Variants in C13orf42 observed in about 807,000 individuals in gnomAD.
C13orf42 encodes chromosome 13 open reading frame 42.
intron 1 of C13orf42, among the ~76,000 whole-genome samples, chr13:51,089,913 G>A (rs1390339544): frequency 6.6e-6 from 1 of 151,934 alleles, no homozygotes; most frequent in East Asian, 2.0e-4. Context: ...AGATGGAGAG[G>A]TGACCAATGT....
At chr13:51,154,603 C>T (rs1301081892) in intron 1 of C13orf42, among the ~76,000 whole-genome samples, 1 of 152,210 alleles carries the variant, frequency 6.6e-6, no homozygotes, top group Non-Finnish European at 1.5e-5. Context: ...CAAGAGTGCT[C>T]ACCCTCAAGT....
chr13:51,134,462 G>A lies in C13orf42; in HGVS notation n.137-21240C>T, dbSNP rs563653079. ...CTCTCGGCAAAGGGGCCGTTACAGA[G>A]TGTAGAGTCAGTGATCTTCCTACAA... On this transcript the variant is annotated intron_variant and non_coding_transcript_variant, in intron 1 of 4. Coordinates refer to the C13orf42 transcript ENST00000433280. Among the ~76,000 whole-genome samples, 39 of 152,354 alleles carry A rather than the reference G, an allele frequency of 2.6e-4. No homozygotes were observed. The South Asian group carries it at 7.5e-3, about 29-fold the overall frequency.
chr13:51,088,856 G>A (rs750542450), intron 1 of C13orf42, among the ~76,000 whole-genome samples: 8 of 152,226 alleles, frequency 5.3e-5, no homozygotes, highest in African/African-American at 1.2e-4. Flanking sequence ...ACGAGGTTCC[G>A]GGCTCTTTCC....
chr13:51,132,761 G>A (rs1019091662), intron 1 of C13orf42, among the ~76,000 whole-genome samples: 2 of 152,128 alleles, frequency 1.3e-5, no homozygotes, highest in African/African-American at 2.4e-5. Flanking sequence ...GTAAAATGAC[G>A]CTGAGACCTG....
intron 1 of C13orf42, among the ~76,000 whole-genome samples, chr13:51,121,512 T>C (rs1212482110): frequency 6.6e-6 from 1 of 151,714 alleles, no homozygotes; most frequent in East Asian, 1.9e-4. Flanking sequence ...ATTCCACTTC[T>C]AGTACTCTAG....
intron 1 of C13orf42, among the ~76,000 whole-genome samples, chr13:51,130,169 A>G (rs1953605683): frequency 6.6e-6 from 1 of 152,244 alleles, no homozygotes; most frequent in Non-Finnish European, 1.5e-5. Context: ...TCTTTGGGAA[A>G]TAAAAACAGC....
intron 1 of C13orf42, among the ~76,000 whole-genome samples, chr13:51,140,207 C>A (rs1191642291): frequency 6.6e-6 from 1 of 152,176 alleles, no homozygotes; most frequent in Non-Finnish European, 1.5e-5. Context: ...AAGCTCCCTC[C>A]CTGCTTCCAG....
chr13:51,120,938 T>C (rs1010643382), intron 1 of C13orf42, among the ~76,000 whole-genome samples: 13 of 152,172 alleles, frequency 8.5e-5, no homozygotes, highest in Non-Finnish European at 1.6e-4. Context: ...CTCTTGAACC[T>C]GGGAGGCAGA....
chr13:51,135,742 C>G (rs768114163), intron 1 of C13orf42, among the ~76,000 whole-genome samples: 3 of 152,116 alleles, frequency 2.0e-5, no homozygotes, highest in Non-Finnish European at 2.9e-5. Flanking sequence ...GATTCCTCCC[C>G]CACCCTGGCT....
intron 1 of C13orf42, among the ~76,000 whole-genome samples, chr13:51,100,971 T>C (rs1366803488): frequency 1.3e-5 from 2 of 152,184 alleles, no homozygotes; most frequent in African/African-American, 4.8e-5. Flanking sequence ...ACTCACAATA[T>C]ATAACATTAA....
intron 1 of C13orf42, among the ~76,000 whole-genome samples, chr13:51,095,639 G>A (rs1327326489): frequency 1.3e-5 from 2 of 151,834 alleles, no homozygotes; most frequent in Non-Finnish European, 2.9e-5. Flanking sequence ...CAAGTCTACT[G>A]ATGAGCCCAG....
chr13:51,155,476 T>C lies in C13orf42; in HGVS notation n.136+16777A>G, dbSNP rs549072581. Among the ~76,000 whole-genome samples, 204 of 152,320 alleles carry C rather than the reference T, an allele frequency of 1.3e-3. 2 individuals carry two copies. The East Asian group carries it at 0.037, about 28-fold the overall frequency. ...GTCCAGGTGTATTTGTGTGAACTCTTCAAGTATGAGCGCTGGAAACCCACT... is the reference window on the plus strand; with the variant it reads ...GTCCAGGTGTATTTGTGTGAACTCTCCAAGTATGAGCGCTGGAAACCCACT... On this transcript the variant is annotated intron_variant and non_coding_transcript_variant, in intron 1 of 4. Transcript: ENST00000433280.
intron 1 of C13orf42, among the ~76,000 whole-genome samples, chr13:51,170,281 CT>C (rs1237074778): frequency 6.6e-6 from 1 of 152,188 alleles, no homozygotes; most frequent in Non-Finnish European, 1.5e-5. Context: ...CACACAAAGC[CT>C]GTTTGGTGGT....
At chr13:51,139,772 T>G (rs940996353) in intron 1 of C13orf42, among the ~76,000 whole-genome samples, 1 of 152,168 alleles carries the variant, frequency 6.6e-6, no homozygotes, top group African/African-American at 2.4e-5. Context: ...GCATGAATAA[T>G]CCACCCCTTA....
chr13:51,124,289 G>A (rs542745497), intron 1 of C13orf42, among the ~76,000 whole-genome samples: 2 of 152,190 alleles, frequency 1.3e-5, no homozygotes, highest in African/African-American at 2.4e-5. Flanking sequence ...CCAAGTTTCC[G>A]GGGAGACTGA....
At chr13:51,139,713 A>G (rs1042084626) in intron 1 of C13orf42, among the ~76,000 whole-genome samples, 5 of 152,216 alleles carry the variant, frequency 3.3e-5, no homozygotes, top group African/African-American at 1.2e-4. Flanking sequence ...TTGTTTACAA[A>G]TGCCATGGCA....
intron 1 of C13orf42, among the ~76,000 whole-genome samples, chr13:51,171,817 C>T (rs1953955804): frequency 6.6e-6 from 1 of 152,132 alleles, no homozygotes; most frequent in African/African-American, 2.4e-5. Context: ...CAGTTCATGG[C>T]TTGTTTGGCA....
intron 1 of C13orf42, among the ~76,000 whole-genome samples, chr13:51,109,922 C>T (rs371763094): frequency 9.9e-5 from 15 of 152,268 alleles, no homozygotes; most frequent in African/African-American, 2.6e-4. Context: ...TTTATTGTGA[C>T]GCTCAAGAAA....
intron 1 of C13orf42, among the ~76,000 whole-genome samples, chr13:51,157,639 G>A (rs753247346): frequency 6.6e-6 from 1 of 152,018 alleles, no homozygotes; most frequent in Non-Finnish European, 1.5e-5. Context: ...TGTGGCCAGC[G>A]AGCCTTTGTT....
Sources: gnomAD v4.1 joint callset for allele counts (sites outside exome capture counted in the v4.1 genomes callset) on GRCh38, gnomAD v4.1.1 for gene constraint, MANE v1.5 for transcripts, NCBI Gene and HGNC (gene_info 2026-07-23, HGNC 2026-07-21) for gene names.